The following WLS variants were observed in gnomAD, a reference collection of about 807,000 sequenced individuals.
WLS encodes the protein Wnt ligand secretion mediator.
Under a neutral mutation model 62.8 loss-of-function variants are expected in WLS, and 23 were observed. The ratio of observed to expected loss-of-function variants is 0.37; its 90% CI spans 0.26 to 0.52. The LOEUF is 0.52. WLS is among the 20% of genes least tolerant of loss of function. The probability of loss-of-function intolerance (pLI) is 0.92; values close to 1 mark genes in which losing one functional copy is unlikely to be tolerated. For synonymous variants in WLS, 246 were observed against 244.1 expected (o/e 1.01, Z -0.07); for missense variants, 615 against 697.3 (o/e 0.88, Z 1.33).
At chr1:68,120,101 C>G (rs1646345541) in intron 11 of WLS, among the ~76,000 whole-genome samples, 1 of 152,154 alleles carries the variant, frequency 6.6e-6, no homozygotes, top group African/African-American at 2.4e-5. Context: ...GCATCAGGCG[C>G]CTACCATTGC....
intron 8 of WLS, among the ~76,000 whole-genome samples, chr1:68,146,694 A>G (rs1275444013): frequency 6.6e-6 from 1 of 152,168 alleles, no homozygotes; most frequent in Non-Finnish European, 1.5e-5. Context: ...AATCTTGTCC[A>G]ACAGAATGGG....
intron 1 of WLS, among the ~76,000 whole-genome samples, chr1:68,222,203 T>G (rs1649970209): frequency 6.6e-6 from 1 of 152,202 alleles, no homozygotes; most frequent in Non-Finnish European, 1.5e-5. Flanking sequence ...GTAATGACTA[T>G]ACTGCGTGGT....
rs1055950529 is a variant in WLS at position 68,212,228 on chromosome 1, A to G, written c.107-18001T>C. 6.6e-5 allele frequency among the ~76,000 whole-genome samples: 10 copies of G among 152,332 alleles called. No homozygotes were observed. In the South Asian group the frequency reaches 1.2e-3, roughly 19 times the overall value. The stretch of plus-strand genomic sequence containing the variant: ...AGGATGAACAGGACCTCATCTCGAC[A>G]AAGGATGATGGGACATTCAGCAAAA... On this transcript the variant is annotated intron_variant, in intron 1 of 11. Coordinates refer to ENST00000262348, the MANE Select transcript of WLS (RefSeq NM_024911.7).
intron 11 of WLS, among the ~76,000 whole-genome samples, chr1:68,133,718 C>T (rs1441100804): frequency 1.3e-5 from 2 of 152,170 alleles, no homozygotes; most frequent in African/African-American, 4.8e-5. Context: ...CATTCTATGA[C>T]CAAAAGAGAG....
chr1:68,220,620 T>A (rs1053708672), intron 1 of WLS, among the ~76,000 whole-genome samples: 40 of 152,212 alleles, frequency 2.6e-4, no homozygotes, highest in African/African-American at 8.9e-4. Flanking sequence ...TCACTTTGAA[T>A]GGAGAGATCA....
intron 10 of WLS, among the ~76,000 whole-genome samples, 183 bp downstream of exon 10, chr1:68,144,386 C>T (rs368831652): frequency 7.2e-5 from 11 of 152,138 alleles, no homozygotes; most frequent in Non-Finnish European, 1.2e-4. Flanking sequence ...CAAGGTTTTA[C>T]GGAAAGAGAA....
At position 68,159,116 on chromosome 1, in the gene WLS, G is replaced by T. The variant is rs765159205; in HGVS notation, c.504+7C>A. On this transcript the variant is annotated splice_region_variant and intron_variant, in intron 3 of 11. Coordinates refer to ENST00000262348, the MANE Select transcript of WLS (RefSeq NM_024911.7). ...AAACTGTCAGCTTAGACAGCAAGGG[G>T]TCATACCTTGGGAGATGTGAAGGTG... 2 of 1,613,670 alleles carry T rather than the reference G, an allele frequency of 1.2e-6. No individual in the cohort carries two copies. The highest frequency in any genetic ancestry group is 4.5e-5 in the East Asian group (2 of 44,846).
At chr1:68,211,317 GAAAA>G (rs34980541) in intron 1 of WLS, among the ~76,000 whole-genome samples, 1 of 132,582 alleles carries the variant, frequency 7.5e-6, no homozygotes, top group African/African-American at 3.0e-5. Flanking sequence ...CTTTGTAAAA[GAAAA>G]AAAAAAAAAA....
chr1:68,141,710 G>A (rs1456910203), intron 10 of WLS: 2 of 152,122 alleles, frequency 1.3e-5, no homozygotes, highest in Non-Finnish European at 2.9e-5. Flanking sequence ...ACCTAAGGCT[G>A]GGATCCATTT....
chr1:68,170,733 C>CCTTGTT (rs1557494414), intron 2 of WLS, among the ~76,000 whole-genome samples: 1 of 151,908 alleles, frequency 6.6e-6, no homozygotes, highest in Non-Finnish European at 1.5e-5. Context: ...TCCCACAGTA[C>CCTTGTT]CTTGTTCACC....
Position 68,126,064 on chromosome 1 carries a change from T to C in WLS, c.*162A>G. 2.1e-6 allele frequency: 3 copies of C among 1,439,860 alleles called. No individual in the cohort carries two copies. The highest frequency in any genetic ancestry group is 2.7e-6 in the Non-Finnish European group (3 of 1,092,904). The allele number at this position is 1,439,860 out of a possible 1,614,324, so 89.2% of individuals were successfully genotyped here. On this transcript the variant is annotated 3_prime_UTR_variant, in exon 12 of 12. Coordinates refer to ENST00000262348, the MANE Select transcript of WLS (RefSeq NM_024911.7). ...AGGAATCTTCCTCCAAAAGCTACCG[T>C]CAGAAGGCAAACTGACAAATGTCCA...
intron 1 of WLS, among the ~76,000 whole-genome samples, chr1:68,220,822 G>A (rs756033941): frequency 1.3e-5 from 2 of 152,242 alleles, no homozygotes; most frequent in Non-Finnish European, 2.9e-5. Context: ...CAAGTGGGAA[G>A]AGTTAATGCC....
chr1:68,140,986 T>TC (rs1490511050), intron 10 of WLS, among the ~76,000 whole-genome samples: 1 of 37,884 alleles, frequency 2.6e-5, no homozygotes, highest in Admixed American at 3.4e-4. Context: ...CGCCAAACCC[T>TC]CCCCCCTCCT....
At chr1:68,214,804 G>A (rs1164274592) in intron 1 of WLS, among the ~76,000 whole-genome samples, 1 of 152,188 alleles carries the variant, frequency 6.6e-6, no homozygotes, top group Non-Finnish European at 1.5e-5. Context: ...TCTTCTAGTG[G>A]TTGTTTTGAG....
At chr1:68,168,751 G>T (rs1570938185) in intron 2 of WLS, among the ~76,000 whole-genome samples, 1 of 152,264 alleles carries the variant, frequency 6.6e-6, no homozygotes, top group South Asian at 2.1e-4. Flanking sequence ...TCAGAAAGAG[G>T]CCACAGAGAC....
At position 68,125,378 on chromosome 1, in the gene WLS, G is replaced by GA; in HGVS notation, c.*847dup. The GA allele has an allele frequency of 1.0e-6, 1 of 985,362 alleles. No individual in the cohort carries two copies. Among genetic ancestry groups the GA allele is most frequent in the South Asian group, 4.7e-5 (1 of 21,282 alleles). The allele number at this position is 985,362 out of a possible 1,614,324, so 61.0% of individuals were successfully genotyped here. A position where few individuals can be genotyped will look rare whatever the true frequency, so the allele number is the denominator to read the frequency against. On this transcript the variant is annotated 3_prime_UTR_variant, in exon 12 of 12. Transcript: ENST00000262348. ...ATGTGTATGAGTTTTAGCAGGAGGG[G>GA]ATATGCATGTACACATATGCATATA...
chr1:68,231,690 A>C, intron 1 of WLS: 1 of 456,408 alleles, frequency 2.2e-6, no homozygotes, highest in Non-Finnish European at 4.4e-6. Context: ...AGACGACCAA[A>C]TGCATTTACA....
intron 11 of WLS, among the ~76,000 whole-genome samples, chr1:68,111,547 C>T (rs1421050357): frequency 6.6e-6 from 1 of 152,148 alleles, no homozygotes; most frequent in Non-Finnish European, 1.5e-5. Context: ...ACTGGGGGAC[C>T]CTGCTGGCTA....
At chr1:68,162,556 C>A (rs1005306788) in intron 2 of WLS, 3 of 1,581,788 alleles carry the variant, frequency 1.9e-6, no homozygotes, top group Non-Finnish European at 2.6e-6. Flanking sequence ...CATTTCCCCA[C>A]GGATGCTGGC....
Sources: gnomAD v4.1 joint callset for allele counts (sites outside exome capture counted in the v4.1 genomes callset) on GRCh38, gnomAD v4.1.1 for gene constraint, MANE v1.5 for transcripts, NCBI Gene and HGNC (gene_info 2026-07-23, HGNC 2026-07-21) for gene names.